MAST3: variants seen among roughly 807,000 people sequenced by gnomAD.
MAST3 encodes the protein microtubule associated serine/threonine kinase 3, also known as microtubule-associated serine/threonine-protein kinase 3.
In MAST3, 43 loss-of-function variants were observed where a neutral mutation model predicts 127.0. The observed-to-expected ratio is 0.34, with a 90% CI of 0.27 to 0.44. The LOEUF (loss-of-function observed/expected upper bound fraction) is 0.44, where lower values mean the gene tolerates loss of function less well. Ranked by LOEUF, MAST3 falls within the 20% of genes least tolerant of loss-of-function variation. The pLI is 1.00. For synonymous variants in MAST3, 785 were observed against 809.2 expected (o/e 0.97, Z 0.51); for missense variants, 1,390 against 1,919.1 (o/e 0.72, Z 5.15).
rs543550363 is a variant in MAST3 at position 18,099,136 on chromosome 19, G to A, written c.39+1305G>A. On this transcript the variant is annotated intron_variant, in intron 1 of 27. Coordinates refer to ENST00000687212, the MANE Select transcript of MAST3 (RefSeq NM_001393504.1). ...TGAGGGGGTGAGAGGAATGGGGCCG[G>A]CGGGTCTCCAACCTGGAGCCGCACC... 3.7e-4 allele frequency among the ~76,000 whole-genome samples: 56 copies of A among 152,034 alleles called. No homozygotes were observed. The South Asian group carries it at 3.7e-3, about 10-fold the overall frequency.
chr19:18,133,616 C>T (rs2041571115), intron 15 of MAST3, among the ~76,000 whole-genome samples: 1 of 129,908 alleles, frequency 7.7e-6, no homozygotes, highest in South Asian at 2.4e-4. Context: ...TGCAGTGGTG[C>T]GATCTCGGCT....
intron 27 of MAST3, 25 bp downstream of exon 27, chr19:18,147,649 A>T (rs1566030): frequency 6.8e-7 from 1 of 1,479,262 alleles, no homozygotes; most frequent in Admixed American, 2.2e-5. Context: ...ACCCCCCACC[A>T]CCCCGGCTAC....
Position 18,149,922 on chromosome 19 carries a change from G to C in MAST3, c.*196G>C. ...ATCGGGGCTGGATGGGGCAAGAATG[G>C]GGGACAAGGGTGGCTTTGTAAATAG... On this transcript the variant is annotated 3_prime_UTR_variant, in exon 28 of 28. Coordinates refer to ENST00000687212, the MANE Select transcript of MAST3 (RefSeq NM_001393504.1). This position sits in a 1 kb window ranked among gnomAD's most constrained non-coding sequence, Gnocchi z 5.9. 1.6e-6 allele frequency: 1 copy of C among 613,724 alleles called. No homozygotes were observed. The highest frequency in any genetic ancestry group is 3.3e-5 in the East Asian group (1 of 30,346). The allele number at this position is 613,724 out of a possible 1,614,324, so 38.0% of individuals were successfully genotyped here. A position where few individuals can be genotyped will look rare whatever the true frequency, so the allele number is the denominator to read the frequency against.
intron 19 of MAST3, among the ~76,000 whole-genome samples, chr19:18,138,079 A>G (rs973484947): frequency 1.3e-5 from 2 of 151,998 alleles, no homozygotes; most frequent in Non-Finnish European, 2.9e-5. Flanking sequence ...GCATGGTGGT[A>G]CATGCCTGTA....
At chr19:18,129,096 AG>A (rs1237215502) in intron 13 of MAST3, 145 bp downstream of exon 13, 1 of 705,946 alleles carries the variant, frequency 1.4e-6, no homozygotes, top group African/African-American at 1.8e-5. Context: ...TGAGGACTGG[AG>A]GGGGAAGTGG....
At chr19:18,109,881 G>T in intron 2 of MAST3, 1 of 941,052 alleles carries the variant, frequency 1.1e-6, no homozygotes. Context: ...CCGGCTCCCA[G>T]AGAGCCCCAG....
rs753661930 is a variant in MAST3, at chr19:18,145,014, G to A, written c.2824G>A (p.Gly942Ser). ...CTAACCCCCTGCAGATGATGGCAGC[G>A]GCGGCCCCCTCATGAGCCCCCTTTC... Reference protein sequence around the residue: ...SLIITADDGSGGPLMSPLSPR... With the variant: ...SLIITADDGSSGPLMSPLSPR... The change falls in exon 24 of 28, where the codon GGC becomes AGC. Residue 942 changes from glycine (G) to serine (S), a missense_variant. Gly to Ser is a moderately conservative substitution (Grantham distance 56). Transcript: ENST00000687212. This position sits in a 1 kb window ranked among gnomAD's most constrained non-coding sequence, Gnocchi z 5.9. 4 of 1,580,402 alleles carry A rather than the reference G, an allele frequency of 2.5e-6. No homozygotes were observed. Among genetic ancestry groups the A allele is most frequent in the Non-Finnish European group, 3.5e-6 (4 of 1,156,562 alleles).
At chr19:18,132,866 G>A (rs2041468112) in intron 15 of MAST3, among the ~76,000 whole-genome samples, 1 of 152,216 alleles carries the variant, frequency 6.6e-6, no homozygotes, top group South Asian at 2.1e-4. Context: ...ACTTTGGGAG[G>A]CCAAGGCGGG....
chr19:18,149,452 G>T lies in MAST3; in HGVS notation c.3770G>T (p.Arg1257Leu), dbSNP rs569961100. 1.3e-6 allele frequency: 2 copies of T among 1,533,288 alleles called. No individual in the cohort carries two copies. The highest frequency in any genetic ancestry group is 2.0e-5 in the Admixed American group (1 of 49,856). The allele number at this position is 1,533,288 out of a possible 1,614,324, so 95.0% of individuals were successfully genotyped here. A position where few individuals can be genotyped will look rare whatever the true frequency, so the allele number is the denominator to read the frequency against. ...PPAPARSPRL[R>L]RGQSADKLGT... ...GCACCTGCCCGATCCCCGCGGCTGC[G>T]CCGGGGCCAGTCAGCTGACAAGCTG... Residue 1257 changes from arginine (R) to leucine (L), a missense_variant, in exon 28 of 28, where the codon CGC (arginine) becomes CTC (leucine). Arg to Leu is a moderately radical substitution (Grantham distance 102). Coordinates refer to ENST00000687212, the MANE Select transcript of MAST3 (RefSeq NM_001393504.1). This position sits in a 1 kb window ranked among gnomAD's most constrained non-coding sequence, Gnocchi z 5.9.
intron 20 of MAST3, among the ~76,000 whole-genome samples, chr19:18,141,361 G>A (rs369976576): frequency 1.4e-5 from 2 of 139,164 alleles, no homozygotes; most frequent in South Asian, 4.6e-4. Flanking sequence ...AGGAATCACT[G>A]GACTAAGCCA....
chr19:18,098,159 A>C (rs1337434109), intron 1 of MAST3, among the ~76,000 whole-genome samples: 1 of 152,052 alleles, frequency 6.6e-6, no homozygotes, highest in East Asian at 1.9e-4. Context: ...CCATATGTTC[A>C]TGGTTGTTTT....
chr19:18,144,450 C>T lies in MAST3; in HGVS notation c.2585-16C>T, dbSNP rs1168730051. ...TGAGTTTGAGGGGCACCCAGCTGACCCTGCTGACCCTCTAGCCGACACAGC... is the reference window on the plus strand; with the variant it reads ...TGAGTTTGAGGGGCACCCAGCTGACTCTGCTGACCCTCTAGCCGACACAGC... On this transcript the variant is annotated splice_polypyrimidine_tract_variant and intron_variant, in intron 22 of 27. Coordinates refer to ENST00000687212, the MANE Select transcript of MAST3 (RefSeq NM_001393504.1). This position sits in a 1 kb window ranked among gnomAD's most constrained non-coding sequence, Gnocchi z 4.0. The T allele has an allele frequency of 5.8e-6, 9 of 1,548,814 alleles. No homozygotes were observed. The highest frequency in any genetic ancestry group is 7.8e-6 in the Non-Finnish European group (9 of 1,148,738).
At chr19:18,106,876 G>A (rs1599662806) in intron 1 of MAST3, among the ~76,000 whole-genome samples, 2 of 150,846 alleles carry the variant, frequency 1.3e-5, no homozygotes, top group African/African-American at 2.4e-5. Context: ...TGACCGGCCC[G>A]GCCTTTTTTT....
At position 18,108,606 on chromosome 19, in the gene MAST3, G is replaced by A. The variant is rs181609945; in HGVS notation, c.71+988G>A. Among the ~76,000 whole-genome samples the A allele has an allele frequency of 9.2e-5, 14 of 152,232 alleles. No homozygotes were observed. In the East Asian group the frequency reaches 2.3e-3, roughly 25 times the overall value. On this transcript the variant is annotated intron_variant, in intron 2 of 27. Transcript: ENST00000687212. The stretch of plus-strand genomic sequence containing the variant: ...TGGTCTCAAACTCCTGGACTCAAGC[G>A]ATCTGCCTGCCTCAACCTCCCAAAG...
chr19:18,148,158 A>G (rs1254841975), intron 27 of MAST3, among the ~76,000 whole-genome samples: 1 of 152,066 alleles, frequency 6.6e-6, no homozygotes, highest in Admixed American at 6.6e-5. Context: ...AAAATCAGCC[A>G]GGTGTGGTGG....
At chr19:18,133,053 C>T (rs1343559811) in intron 15 of MAST3, among the ~76,000 whole-genome samples, 3 of 151,244 alleles carry the variant, frequency 2.0e-5, no homozygotes, top group Admixed American at 6.6e-5. Context: ...GAGCCAAGAT[C>T]GTGCCACTGC....
At chr19:18,141,798 C>A in intron 20 of MAST3, 84 bp from the exon 21 acceptor site, 1 of 1,151,432 alleles carries the variant, frequency 8.7e-7, no homozygotes, top group Admixed American at 4.0e-5. Flanking sequence ...TCAAGTGATC[C>A]TCCCAGCTGG....
At chr19:18,146,591 AT>A (rs2043036732) in intron 25 of MAST3, among the ~76,000 whole-genome samples, 1 of 152,094 alleles carries the variant, frequency 6.6e-6, no homozygotes, top group Admixed American at 6.6e-5. Context: ...GGGGTGATTA[AT>A]GGGTGGATAC....
chr19:18,127,358 GC>G lies in MAST3; in HGVS notation c.1079-1040del, dbSNP rs1035765472. 7.0e-4 allele frequency among the ~76,000 whole-genome samples: 106 copies of G among 151,900 alleles called. 1 individual carries two copies. The highest frequency in any genetic ancestry group is 1.9e-4 in the Non-Finnish European group (13 of 67,958). On this transcript the variant is annotated intron_variant, in intron 11 of 27. Transcript: ENST00000687212. Reference sequence around the variant, plus strand: ...AGGTCAGGAGTTTGAGACGAGCCTGGCCAACATGGTGAAACCCTGTCTCTAC... The same window carrying G: ...AGGTCAGGAGTTTGAGACGAGCCTGGCAACATGGTGAAACCCTGTCTCTAC...
Sources: gnomAD v4.1 joint callset for allele counts (sites outside exome capture counted in the v4.1 genomes callset) on GRCh38, gnomAD v4.1.1 for gene constraint, Gnocchi (gnomAD v3.1) non-coding constraint, MANE v1.5 for transcripts, NCBI Gene and HGNC (gene_info 2026-07-23, HGNC 2026-07-21) for gene names.